The following NPAS3 variants were observed in gnomAD, a reference collection of about 807,000 sequenced individuals.
The protein encoded by NPAS3 is neuronal PAS domain protein 3.
In NPAS3, 14 loss-of-function variants were observed where a neutral mutation model predicts 73.1. The observed-to-expected ratio is 0.19, with a 90% CI of 0.13 to 0.30. The LOEUF is 0.30. Ranked by LOEUF, NPAS3 falls within the 10% of genes least tolerant of loss-of-function variation. The pLI, the probability that NPAS3 is intolerant of heterozygous loss-of-function variation, is 1.00. For missense variants in NPAS3, 1,096 were observed against 1,250.0 expected (o/e 0.88, Z 1.86); for synonymous variants, 620 against 541.5 (o/e 1.14, Z -2.01).
chr14:33,533,687 C>T (rs1301172446), intron 4 of NPAS3, among the ~76,000 whole-genome samples: 1 of 151,992 alleles, frequency 6.6e-6, no homozygotes, highest in Non-Finnish European at 1.5e-5. Context: ...AACCATGCTC[C>T]ATAGAGGAAT....
At chr14:33,567,881 T>C (rs2056038945) in intron 5 of NPAS3, among the ~76,000 whole-genome samples, 1 of 152,220 alleles carries the variant, frequency 6.6e-6, no homozygotes, top group Non-Finnish European at 1.5e-5. Flanking sequence ...GTTATTCTTA[T>C]TTGTTCCTTT....
At chr14:33,467,084 G>T (rs1482352219) in intron 4 of NPAS3, among the ~76,000 whole-genome samples, 1 of 152,182 alleles carries the variant, frequency 6.6e-6, no homozygotes, top group Non-Finnish European at 1.5e-5. Flanking sequence ...GTTGTTACTT[G>T]GTTGGAATTA....
intron 7 of NPAS3, among the ~76,000 whole-genome samples, chr14:33,747,281 C>A (rs1188498221): frequency 6.6e-6 from 1 of 152,126 alleles, no homozygotes; most frequent in Non-Finnish European, 1.5e-5. Context: ...AGTTCATGTC[C>A]TTTGTAGGGA....
chr14:33,052,172 A>G (rs907763798), intron 1 of NPAS3, among the ~76,000 whole-genome samples: 1 of 152,194 alleles, frequency 6.6e-6, no homozygotes, highest in African/African-American at 2.4e-5. Context: ...ATAAGAAAGT[A>G]CCATCCCCAA....
chr14:33,022,731 G>T (rs535080845), intron 1 of NPAS3, among the ~76,000 whole-genome samples: 23 of 150,804 alleles, frequency 1.5e-4, no homozygotes, highest in Middle Eastern at 3.5e-3. Flanking sequence ...TTTATTTAGT[G>T]CCTGTTTAAA....
intron 1 of NPAS3, among the ~76,000 whole-genome samples, chr14:33,040,376 G>A (rs2040311909): frequency 6.6e-6 from 1 of 152,138 alleles, no homozygotes; most frequent in African/African-American, 2.4e-5. Context: ...GTGCTGGGTA[G>A]GAGTGGAAGT....
chr14:33,355,492 G>A (rs946790800), intron 3 of NPAS3, among the ~76,000 whole-genome samples: 3 of 152,152 alleles, frequency 2.0e-5, no homozygotes, highest in Admixed American at 6.5e-5. Flanking sequence ...TAGAGATAGG[G>A]TTTCACCATG....
At chr14:33,600,510 T>A (rs918656606) in intron 5 of NPAS3, among the ~76,000 whole-genome samples, 1 of 152,160 alleles carries the variant, frequency 6.6e-6, no homozygotes, top group Admixed American at 6.5e-5. Context: ...GAATTGTATA[T>A]AGAATAAATA....
At chr14:33,453,402 AC>A (rs2049889017) in intron 4 of NPAS3, among the ~76,000 whole-genome samples, 1 of 152,214 alleles carries the variant, frequency 6.6e-6, no homozygotes, top group Non-Finnish European at 1.5e-5. Context: ...TGTGTCACTC[AC>A]AAGCAAGGCT....
chr14:33,213,750 T>C (rs576804659), intron 2 of NPAS3: 7 of 152,326 alleles, frequency 4.6e-5, no homozygotes, highest in African/African-American at 1.7e-4. Context: ...GAAAGACATT[T>C]GTTAGCTAAT....
At chr14:33,039,337 A>G (rs1469538965) in intron 1 of NPAS3, among the ~76,000 whole-genome samples, 1 of 152,152 alleles carries the variant, frequency 6.6e-6, no homozygotes, top group Admixed American at 6.6e-5. Flanking sequence ...TTTCCATTAT[A>G]TTCACTCTGC....
At chr14:33,168,513 A>G (rs764907259) in intron 2 of NPAS3, among the ~76,000 whole-genome samples, 55 of 152,172 alleles carry the variant, frequency 3.6e-4, no homozygotes, top group Non-Finnish European at 7.1e-4. Flanking sequence ...TTTTGAGCTT[A>G]CTTGGAGACA....
At position 33,707,695 on chromosome 14, in the gene NPAS3, G is replaced by A. The variant is rs2140478301; in HGVS notation, c.734-27519G>A. Reference sequence around the variant, plus strand: ...GAACATAAACTTCAGCAGGCAAGATGGAGGGCAGGAGAAGGAAGAATAAAT... The same window carrying A: ...GAACATAAACTTCAGCAGGCAAGATAGAGGGCAGGAGAAGGAAGAATAAAT... On this transcript the variant is annotated intron_variant, in intron 6 of 11. Coordinates refer to ENST00000356141, the Ensembl canonical transcript of NPAS3. Among the ~76,000 whole-genome samples the A allele has an allele frequency of 2.0e-5, 3 of 152,300 alleles. No individual in the cohort carries two copies. In the Middle Eastern group the frequency reaches 0.01, roughly 518 times the overall value.
intron 4 of NPAS3, 29 bp from the exon 5 acceptor site, chr14:33,560,092 T>C: frequency 1.3e-6 from 1 of 791,988 alleles, no homozygotes; most frequent in South Asian, 1.6e-5. Context: ...TTTATTAATC[T>C]ATTTATATAT....
At chr14:33,261,301 TA>T (rs34511636) in intron 3 of NPAS3, among the ~76,000 whole-genome samples, 3,113 of 148,654 alleles carry the variant, frequency 0.021, 104 homozygotes, top group African/African-American at 0.071. Context: ...AGCTTTTATT[TA>T]AAAAAAAAAA....
intron 5 of NPAS3, among the ~76,000 whole-genome samples, chr14:33,675,754 C>A (rs2059744125): frequency 6.6e-6 from 1 of 152,210 alleles, no homozygotes; most frequent in South Asian, 2.1e-4. Flanking sequence ...TCTTGGAAAT[C>A]TGTGTATTTT....
chr14:33,548,369 A>T (rs2139680398), intron 4 of NPAS3, among the ~76,000 whole-genome samples: 1 of 152,330 alleles, frequency 6.6e-6, no homozygotes, highest in East Asian at 1.9e-4. Context: ...TTAAGACAAA[A>T]GAGTGGGTAA....
At chr14:32,993,120 A>G (rs1447522971) in intron 1 of NPAS3, among the ~76,000 whole-genome samples, 1 of 149,510 alleles carries the variant, frequency 6.7e-6, no homozygotes, top group Non-Finnish European at 1.5e-5. Flanking sequence ...ATTGCACTCC[A>G]CCTGGGCAAC....
chr14:33,774,395 T>A (rs1403521374), exon 8 of NPAS3: 1 of 1,613,968 alleles, frequency 6.2e-7, no homozygotes, highest in African/African-American at 1.3e-5. Context: ...GGGAGGACCG[T>A]CCCCAGCCAA....
Sources: gnomAD v4.1 joint callset for allele counts (sites outside exome capture counted in the v4.1 genomes callset) on GRCh38, gnomAD v4.1.1 for gene constraint, MANE v1.5 for transcripts, NCBI Gene and HGNC (gene_info 2026-07-23, HGNC 2026-07-21) for gene names.